STX17: variants seen among roughly 807,000 people sequenced by gnomAD.
STX17 encodes syntaxin 17, also known as syntaxin-17.
In STX17, 29 loss-of-function variants were observed where a neutral mutation model predicts 35.9. That is an observed-to-expected ratio of 0.81 (90% confidence interval 0.60 to 1.10). The LOEUF (loss-of-function observed/expected upper bound fraction) is 1.10. STX17 is among the 50% of genes least tolerant of loss of function. STX17 has a pLI of 0.00. For missense variants in STX17, 312 were observed against 352.3 expected, an observed-to-expected ratio of 0.89 and a Z score of 0.92; for synonymous variants, 92 against 118.3, an observed-to-expected ratio of 0.78 and a Z score of 1.44.
Position 99,960,196 on chromosome 9 carries a change from T to C in STX17, c.582+41T>C, listed in dbSNP as rs752830060. 61 of 1,578,194 alleles carry C rather than the reference T, an allele frequency of 3.9e-5. 1 individual carries two copies. In the South Asian group the frequency reaches 6.6e-4, roughly 17 times the overall value. ...TTTTGGATGCAGAATTGTTGGATTA[T>C]TAGAATGAGAAGCTTTTATAATCAC... On this transcript the variant is annotated intron_variant, in intron 6 of 7. Transcript: ENST00000259400.
chr9:99,924,176 AC>A (rs1375697298), intron 2 of STX17, among the ~76,000 whole-genome samples: 1 of 151,812 alleles, frequency 6.6e-6, no homozygotes, highest in South Asian at 2.1e-4. Flanking sequence ...ATGGGGCAGG[AC>A]CCCCTCTGGA....
rs1272062988 is a variant in STX17 at position 99,970,398 on chromosome 9, A to G, written c.*1725A>G. On this transcript the variant is annotated 3_prime_UTR_variant, in exon 8 of 8. Transcript: ENST00000259400. ...ATATTAATAATACCAAGAAGGAAAT[A>G]CTTTGAATAAGTGTCAGATTCTGAT... 6.6e-6 allele frequency: 1 copy of G among 152,162 alleles called. No individual in the cohort carries two copies. The highest frequency in any genetic ancestry group is 2.4e-5 in the African/African-American group (1 of 41,434). 9.4% of individuals were successfully genotyped at this position (152,162 alleles called of 1,614,324 possible).
intron 2 of STX17, chr9:99,916,205 A>T (rs1828766260): frequency 1.3e-5 from 5 of 393,486 alleles, no homozygotes; most frequent in South Asian, 9.6e-5. Context: ...GGACTATGAT[A>T]GAGGTTGCAT....
intron 7 of STX17, 36 bp from the exon 8 acceptor site, chr9:99,968,398 C>G (rs1587944805): frequency 1.3e-6 from 2 of 1,519,170 alleles, no homozygotes; most frequent in Non-Finnish European, 1.8e-6. Context: ...ATATTCTCAA[C>G]TCAGTTTCTA....
At chr9:99,908,052 C>G (rs1210307744) in intron 1 of STX17, among the ~76,000 whole-genome samples, 1 of 152,090 alleles carries the variant, frequency 6.6e-6, no homozygotes, top group Non-Finnish European at 1.5e-5. Flanking sequence ...GGGGTTTGTC[C>G]AGTGTTCTCT....
intron 4 of STX17, among the ~76,000 whole-genome samples, chr9:99,956,668 T>C (rs1379914175): frequency 2.6e-5 from 4 of 152,234 alleles, no homozygotes; most frequent in Non-Finnish European, 4.4e-5. Context: ...AAACTTACTC[T>C]GTATCGCCTG....
chr9:99,957,566 A>G (rs967875462), intron 4 of STX17, among the ~76,000 whole-genome samples: 7 of 152,020 alleles, frequency 4.6e-5, no homozygotes, highest in African/African-American at 9.6e-5. Flanking sequence ...TACTGTAACT[A>G]TCCTACAGCA....
At chr9:99,926,075 A>G (rs538841595) in intron 2 of STX17, among the ~76,000 whole-genome samples, 27 of 151,870 alleles carry the variant, frequency 1.8e-4, no homozygotes, top group Non-Finnish European at 3.5e-4. Context: ...TAGGTTTACT[A>G]ATCTTTTCTT....
intron 1 of STX17, among the ~76,000 whole-genome samples, chr9:99,913,644 TC>T (rs1444756852): frequency 6.6e-6 from 1 of 152,224 alleles, no homozygotes; most frequent in East Asian, 1.9e-4. Context: ...GTATGAATTT[TC>T]CTGTTTTGTT....
Position 99,968,678 on chromosome 9 carries a change from C to T in STX17, c.*5C>T, listed in dbSNP as rs1278502536. 1 of 1,611,738 alleles carries T rather than the reference C, an allele frequency of 6.2e-7. No homozygotes were observed. Among genetic ancestry groups the T allele is most frequent in the Admixed American group, 1.7e-5 (1 of 59,876 alleles). On this transcript the variant is annotated 3_prime_UTR_variant, in exon 8 of 8. Coordinates refer to ENST00000259400, the MANE Select transcript of STX17 (RefSeq NM_017919.3). ...ACTGACAAGAAATGCAGTTAAAAAC[C>T]AAATTTCAGTATTATTGGTGCCAAC...
chr9:99,964,663 G>T (rs1034814221), intron 6 of STX17, among the ~76,000 whole-genome samples: 3 of 152,086 alleles, frequency 2.0e-5, no homozygotes, highest in African/African-American at 7.2e-5. Flanking sequence ...AGGTTAGGAG[G>T]CTCCTGCACC....
intron 4 of STX17, among the ~76,000 whole-genome samples, chr9:99,954,582 A>G (rs1303609953): frequency 6.6e-6 from 1 of 152,048 alleles, no homozygotes; most frequent in Non-Finnish European, 1.5e-5. Context: ...TTGTCATTCT[A>G]CATGTTTTTA....
At chr9:99,936,560 T>C (rs1356405710) in intron 3 of STX17, among the ~76,000 whole-genome samples, 2 of 152,186 alleles carry the variant, frequency 1.3e-5, no homozygotes, top group Non-Finnish European at 1.5e-5. Flanking sequence ...CTTTCATGAA[T>C]TTTTTATTCC....
In STX17 at chr9:99,973,676, C is replaced by A. The variant is rs914830626; in HGVS notation, c.*5003C>A. Reference sequence around the variant, plus strand: ...CTAGTAAAAAGACTATTACCTCACACCCCGCACTTGATCTTCCCCCAACTT... The same window carrying A: ...CTAGTAAAAAGACTATTACCTCACAACCCGCACTTGATCTTCCCCCAACTT... On this transcript the variant is annotated 3_prime_UTR_variant, in exon 8 of 8. Coordinates refer to ENST00000259400, the MANE Select transcript of STX17 (RefSeq NM_017919.3). 3.3e-5 allele frequency among the ~76,000 whole-genome samples: 5 copies of A among 152,122 alleles called. No individual in the cohort carries two copies. The highest frequency in any genetic ancestry group is 1.2e-4 in the African/African-American group (5 of 41,422).
At position 99,967,695 on chromosome 9, in the gene STX17, A is replaced by C. The variant is rs1409024331; in HGVS notation, c.625A>C (p.Ser209Arg). The C allele has an allele frequency of 1.9e-6, 3 of 1,613,816 alleles. No individual in the cohort carries two copies. Among genetic ancestry groups the C allele is most frequent in the Non-Finnish European group, 2.5e-6 (3 of 1,179,898 alleles). The stretch of plus-strand genomic sequence containing the variant: ...TGACAGCATTGCAGACCATGTCAAC[A>C]GTGCTGCTGTGAATGTTGAAGAGGG... ...KIDSIADHVN[S>R]AAVNVEEGTK... The change falls in exon 7 of 8, where the codon AGT (serine) becomes CGT (arginine). Residue 209 changes from serine to arginine, a missense_variant. By Grantham distance (110) the Ser-to-Arg change is moderately radical (BLOSUM62 -1). Transcript: ENST00000259400.
intron 7 of STX17, among the ~76,000 whole-genome samples, 194 bp from the exon 8 acceptor site, chr9:99,968,240 T>C (rs1829955689): frequency 6.6e-6 from 1 of 152,232 alleles, no homozygotes; most frequent in Non-Finnish European, 1.5e-5. Context: ...CTCAGCTCTC[T>C]AAGTTCTGAG....
intron 4 of STX17, among the ~76,000 whole-genome samples, chr9:99,957,656 GTTT>G (rs139402328): frequency 5.2e-4 from 69 of 133,858 alleles, no homozygotes; most frequent in Middle Eastern, 3.8e-3. Context: ...TATTGTTTTT[GTTT>G]TTTTTTTTTT....
chr9:99,921,196 G>GA (rs1441741533), intron 2 of STX17, among the ~76,000 whole-genome samples: 11 of 152,002 alleles, frequency 7.2e-5, no homozygotes. Context: ...GTGTGCTTCT[G>GA]AAAAAAAGTG....
chr9:99,932,618 T>C (rs930877843), intron 3 of STX17, among the ~76,000 whole-genome samples: 1 of 152,164 alleles, frequency 6.6e-6, no homozygotes, highest in Non-Finnish European at 1.5e-5. Context: ...GTTGAGACAT[T>C]GGCTATGATC....
Sources: allele counts gnomAD v4.1 joint callset (sites outside exome capture counted in the v4.1 genomes callset), GRCh38; gene constraint gnomAD v4.1.1; transcripts MANE v1.5; gene names NCBI Gene and HGNC (gene_info 2026-07-23, HGNC 2026-07-21).